The following AXDND1 variants were observed in gnomAD, a reference collection of about 807,000 sequenced individuals.
AXDND1 encodes axonemal dynein light chain domain containing 1.
In AXDND1, 110 loss-of-function variants were observed where a neutral mutation model predicts 137.5. The observed-to-expected ratio is 0.80, with a 90% CI of 0.69 to 0.94. The LOEUF is 0.94. AXDND1 is among the 40% of genes least tolerant of loss of function. The pLI is 0.00. For missense variants in AXDND1, 1,191 were observed against 1,169.8 expected (o/e 1.02, Z -0.26); for synonymous variants, 414 against 399.7 (o/e 1.04, Z -0.43).
chr1:179,511,356 T>A (rs1357129875), intron 21 of AXDND1, among the ~76,000 whole-genome samples: 1 of 151,000 alleles, frequency 6.6e-6, no homozygotes, highest in East Asian at 1.9e-4. Context: ...CTACCACATA[T>A]ATATGGTATA....
At chr1:179,521,968 A>G (rs1366660046) in intron 21 of AXDND1, among the ~76,000 whole-genome samples, 6 of 151,828 alleles carry the variant, frequency 4.0e-5, no homozygotes, top group Admixed American at 6.6e-5. Flanking sequence ...ATTAATGTGG[A>G]GATGGATTTT....
intron 21 of AXDND1, among the ~76,000 whole-genome samples, chr1:179,524,284 C>T (rs1039201382): frequency 6.6e-6 from 1 of 152,110 alleles, no homozygotes; most frequent in African/African-American, 2.4e-5. Flanking sequence ...TCCATAGATC[C>T]CTAGCATTTT....
intron 20 of AXDND1, among the ~76,000 whole-genome samples, chr1:179,494,574 A>G (rs1452316353): frequency 7.7e-5 from 11 of 143,768 alleles, no homozygotes; most frequent in Admixed American, 1.4e-4. Context: ...GTATTTTACT[A>G]TGTTGCGTAG....
chr1:179,369,829 C>T lies in AXDND1; in HGVS notation c.271-146C>T, dbSNP rs1667854747. On this transcript the variant is annotated intron_variant, in intron 3 of 25. Coordinates refer to ENST00000367618, the MANE Select transcript of AXDND1 (RefSeq NM_144696.6). ...ATTATTCTAGTTTTAGTCTTTATGT[C>T]ATTTAATAAGAATTCTGCTCTCTTT... The T allele has an allele frequency of 7.2e-6, 4 of 557,222 alleles. No individual in the cohort carries two copies. In the South Asian group the frequency reaches 1.1e-4, roughly 15 times the overall value. The allele number at this position is 557,222 out of a possible 1,614,324, so 34.5% of individuals were successfully genotyped here.
At chr1:179,396,141 C>T (rs1651014836) in intron 11 of AXDND1, among the ~76,000 whole-genome samples, 1 of 149,794 alleles carries the variant, frequency 6.7e-6, no homozygotes, top group South Asian at 2.1e-4. Flanking sequence ...TGCACTCCAG[C>T]CTGGGTGACA....
intron 16 of AXDND1, among the ~76,000 whole-genome samples, chr1:179,458,436 C>T (rs1661735266): frequency 6.6e-6 from 1 of 152,012 alleles, no homozygotes; most frequent in African/African-American, 2.4e-5. Context: ...TGTCAAAACA[C>T]AATAAATATA....
Position 179,411,219 on chromosome 1 carries a change from G to T in AXDND1, c.1183G>T (p.Ala395Ser), listed in dbSNP as rs1653814159. ...RMENDMKKLV[A>S]ERDIWSSATY... ...GGAGAATGATATGAAAAAGTTAGTGGCAGAAAGAGATATCTGGAGCTCAGC... is the reference window on the plus strand; with the variant it reads ...GGAGAATGATATGAAAAAGTTAGTGTCAGAAAGAGATATCTGGAGCTCAGC... Residue 395 changes from alanine to serine, a missense_variant, in exon 12 of 26, where the codon GCA becomes TCA. By Grantham distance (99) the Ala-to-Ser change is moderately conservative (BLOSUM62 1). Coordinates refer to ENST00000367618, the MANE Select transcript of AXDND1 (RefSeq NM_144696.6). 1 of 1,612,542 alleles carries T rather than the reference G, an allele frequency of 6.2e-7. No individual in the cohort carries two copies. Among genetic ancestry groups the T allele is most frequent in the South Asian group, 1.1e-5 (1 of 90,794 alleles).
rs1417609331 is a variant in AXDND1, at chr1:179,430,379, C to T, written c.1333-73C>T. Reference sequence around the variant, plus strand: ...TCTAGTATTACAATATTAATAATGGCCTGGTATATGTTAATGACTATTTGT... The same window carrying T: ...TCTAGTATTACAATATTAATAATGGTCTGGTATATGTTAATGACTATTTGT... On this transcript the variant is annotated intron_variant, in intron 13 of 25. Transcript: ENST00000367618. 9.7e-6 allele frequency: 11 copies of T among 1,134,104 alleles called. No individual in the cohort carries two copies. The South Asian group carries it at 1.2e-4, about 12-fold the overall frequency. The allele number at this position is 1,134,104 out of a possible 1,614,324, so 70.3% of individuals were successfully genotyped here.
chr1:179,441,856 C>G (rs865960802), intron 15 of AXDND1, among the ~76,000 whole-genome samples: 5 of 152,136 alleles, frequency 3.3e-5, no homozygotes, highest in African/African-American at 1.2e-4. Flanking sequence ...CATTTCTTGC[C>G]AATTTAAATT....
intron 19 of AXDND1, among the ~76,000 whole-genome samples, chr1:179,492,599 A>AT (rs1667042191): frequency 2.0e-5 from 3 of 152,126 alleles, no homozygotes. Context: ...TTCTAAGCAA[A>AT]TTTTCCCTTC....
chr1:179,449,348 T>C, intron 16 of AXDND1: 1 of 295,770 alleles, frequency 3.4e-6, no homozygotes, highest in South Asian at 2.6e-5. Context: ...ATCTCTGGGC[T>C]TATTTTGTAG....
intron 15 of AXDND1, among the ~76,000 whole-genome samples, chr1:179,442,815 TG>T (rs1659183177): frequency 6.6e-6 from 1 of 152,092 alleles, no homozygotes; most frequent in Non-Finnish European, 1.5e-5. Context: ...GATGCCACTA[TG>T]TAACCCGCAC....
At chr1:179,479,595 G>T (rs1345397515) in intron 17 of AXDND1, among the ~76,000 whole-genome samples, 1 of 150,800 alleles carries the variant, frequency 6.6e-6, no homozygotes, top group African/African-American at 2.4e-5. Context: ...CTCTAACATG[G>T]TGAAACCCTG....
chr1:179,436,854 TA>T (rs879627205), intron 15 of AXDND1, among the ~76,000 whole-genome samples: 324 of 140,914 alleles, frequency 2.3e-3, no homozygotes, highest in Admixed American at 3.1e-3. Flanking sequence ...AAACTTAGAG[TA>T]AAAAAAAAAA....
intron 23 of AXDND1, among the ~76,000 whole-genome samples, chr1:179,528,703 T>A (rs1670781393): frequency 7.0e-6 from 1 of 143,758 alleles, no homozygotes; most frequent in South Asian, 2.3e-4. Flanking sequence ...GCGATTCTCC[T>A]GCCTCAGTTT....
rs553558352 is a variant in AXDND1 at position 179,498,601 on chromosome 1, A to AC, written c.2388+5651dup. On this transcript the variant is annotated intron_variant, in intron 20 of 25. Transcript: ENST00000367618. Reference sequence around the variant, plus strand: ...TAGACAAGTGGGTCCTAATTAAAGAACATCTGCACAGAAAGGAAACTGTCA... The same window carrying AC: ...TAGACAAGTGGGTCCTAATTAAAGAACCATCTGCACAGAAAGGAAACTGTCA... 2.6e-4 allele frequency among the ~76,000 whole-genome samples: 40 copies of AC among 152,224 alleles called. No individual in the cohort carries two copies. In the East Asian group the frequency reaches 7.3e-3, roughly 28 times the overall value.
At chr1:179,531,855 A>C (rs978289434) in intron 23 of AXDND1, among the ~76,000 whole-genome samples, 31 of 152,198 alleles carry the variant, frequency 2.0e-4, no homozygotes, top group African/African-American at 7.2e-4. Flanking sequence ...GCTACAGCAC[A>C]TAGGCACAAG....
At chr1:179,551,690 G>T (rs1673305465) in intron 25 of AXDND1, 2 of 534,988 alleles carry the variant, frequency 3.7e-6, no homozygotes, top group Non-Finnish European at 6.7e-6. Context: ...TGAAGTATTA[G>T]GGGAGTTATT....
At chr1:179,482,502 G>T (rs1390499868) in intron 17 of AXDND1, among the ~76,000 whole-genome samples, 1 of 152,114 alleles carries the variant, frequency 6.6e-6, no homozygotes, top group Non-Finnish European at 1.5e-5. Context: ...GGAGCTAGAG[G>T]GTTAGGGAGC....
Sources: allele counts gnomAD v4.1 joint callset (sites outside exome capture counted in the v4.1 genomes callset), GRCh38; gene constraint gnomAD v4.1.1; transcripts MANE v1.5; gene names NCBI Gene and HGNC (gene_info 2026-07-23, HGNC 2026-07-21).